Variants in ACACA observed in about 807,000 individuals in gnomAD.
The protein encoded by ACACA is acetyl-CoA carboxylase 1.
ACACA carries 103 observed loss-of-function variants against 296.1 expected under a neutral mutation model. That is an observed-to-expected ratio of 0.35 (90% CI 0.30 to 0.41). The LOEUF is 0.41. ACACA is among the 10% of genes least tolerant of loss of function. ACACA has a pLI of 1.00. For synonymous variants in ACACA, 953 were observed against 1,038.6 expected, an observed-to-expected ratio of 0.92 and a Z score of 1.58; for missense variants, 1,554 against 2,989.7, an observed-to-expected ratio of 0.52 and a Z score of 11.20.
At chr17:37,193,260 G>C in intron 36 of ACACA, 114 bp downstream of exon 36, 1 of 798,142 alleles carries the variant, frequency 1.3e-6, no homozygotes, top group Non-Finnish European at 2.1e-6. Context: ...GGAAGCACAA[G>C]TTCAATAAGA....
intron 1 of ACACA, among the ~76,000 whole-genome samples, chr17:37,353,637 TAAAAAAAAAAAAAA>T (rs1169088763): frequency 1.9e-4 from 11 of 56,690 alleles, no homozygotes; most frequent in East Asian, 1.8e-3. Flanking sequence ...AGACTCCGTC[TAAAAAAAAAAAAAA>T]AAAAAAAAAA....
At chr17:37,181,500 G>A (rs2144873519) in intron 39 of ACACA, 144 bp from the exon 40 acceptor site, 1 of 813,482 alleles carries the variant, frequency 1.2e-6, no homozygotes, top group South Asian at 1.5e-5. Context: ...CTTAACACTG[G>A]GTACTTGGTG....
At chr17:37,121,624 A>T (rs2074531122) in intron 49 of ACACA, 134 bp from the exon 50 acceptor site, 11 of 1,146,232 alleles carry the variant, frequency 9.6e-6, no homozygotes, top group Non-Finnish European at 1.3e-5. Context: ...GTTCATCAAG[A>T]TCATCATGTT....
intron 1 of ACACA, among the ~76,000 whole-genome samples, chr17:37,381,414 G>C (rs1437598509): frequency 6.6e-6 from 1 of 151,816 alleles, no homozygotes; most frequent in Admixed American, 6.6e-5. Context: ...TTGAACTCCT[G>C]ACTTCAAGTG....
chr17:37,373,630 T>C (rs753847666), intron 1 of ACACA, among the ~76,000 whole-genome samples: 31 of 152,202 alleles, frequency 2.0e-4, no homozygotes, highest in Non-Finnish European at 4.1e-4. Flanking sequence ...ACTTCATCTT[T>C]CGCCAAGCAC....
chr17:37,247,580 C>T (rs778024691), intron 18 of ACACA, among the ~76,000 whole-genome samples: 4 of 152,102 alleles, frequency 2.6e-5, no homozygotes, highest in Non-Finnish European at 5.9e-5. Flanking sequence ...TTGGCCACAC[C>T]GGTCTTGAAC....
chr17:37,152,297 C>G (rs1454174655), intron 43 of ACACA, among the ~76,000 whole-genome samples: 4 of 152,158 alleles, frequency 2.6e-5, no homozygotes, highest in Non-Finnish European at 5.9e-5. Flanking sequence ...GAACAAGTTT[C>G]TTAAAAGCAA....
intron 52 of ACACA, among the ~76,000 whole-genome samples, chr17:37,099,605 G>GGGAGGGCTGATGGCA (rs1352301876): frequency 1.5e-5 from 2 of 131,616 alleles, no homozygotes; most frequent in African/African-American, 6.1e-5. Flanking sequence ...GGCTGATGGC[G>GGGAGGGCTGATGGCA]GGAGGGCTGA....
intron 23 of ACACA, among the ~76,000 whole-genome samples, chr17:37,240,896 AAAAGT>A (rs1247856647): frequency 6.6e-6 from 1 of 152,176 alleles, no homozygotes; most frequent in Non-Finnish European, 1.5e-5. Context: ...TCTTAAAGTT[AAAAGT>A]GTTCTGTGAG....
intron 10 of ACACA, among the ~76,000 whole-genome samples, chr17:37,268,719 AT>A: frequency 9.2e-6 from 1 of 109,096 alleles, no homozygotes; most frequent in African/African-American, 4.0e-5. Context: ...ATCTATATCT[AT>A]CTATCTATCT....
At position 37,330,428 on chromosome 17, in the gene ACACA, A is replaced by G; in HGVS notation, c.86-3T>C. ...TCCTCCAAAATGAGCTCTTACAGCT[A>G]TGGAGAAAATGAAAAGTGAGAAAGG... is the stretch of plus-strand genomic sequence containing the variant. On this transcript the variant is annotated splice_region_variant and splice_polypyrimidine_tract_variant and intron_variant, in intron 2 of 55. Coordinates refer to ENST00000616317, the MANE Select transcript of ACACA (RefSeq NM_198834.3). 6.2e-7 allele frequency: 1 copy of G among 1,614,182 alleles called. No individual in the cohort carries two copies. Among genetic ancestry groups the G allele is most frequent in the Non-Finnish European group, 8.5e-7 (1 of 1,180,036 alleles).
At chr17:37,249,193 T>C (rs2080863464) in intron 16 of ACACA, among the ~76,000 whole-genome samples, 1 of 152,228 alleles carries the variant, frequency 6.6e-6, no homozygotes, top group African/African-American at 2.4e-5. Context: ...CAGAATTTCC[T>C]TCTTCTTTAA....
chr17:37,390,334 A>ATATATCTATATATCTAT (rs2050822111), intron 1 of ACACA, among the ~76,000 whole-genome samples: 1 of 93,444 alleles, frequency 1.1e-5, no homozygotes, highest in East Asian at 3.4e-4. Context: ...ATATATATAT[A>ATATATCTATATATCTAT]AAAGGCCAGC....
intron 28 of ACACA, 96 bp downstream of exon 28, chr17:37,223,416 G>C: frequency 1.0e-6 from 1 of 992,006 alleles, no homozygotes; most frequent in Non-Finnish European, 1.6e-6. Context: ...CCAACCTTAA[G>C]GCCAGAGAAC....
At chr17:37,225,742 A>G (rs2079516462) in intron 26 of ACACA, among the ~76,000 whole-genome samples, 1 of 152,218 alleles carries the variant, frequency 6.6e-6, no homozygotes, top group Admixed American at 6.5e-5. Context: ...TTGTAGAGAA[A>G]GCAGAAGGTC....
chr17:37,258,300 G>C lies in ACACA; in HGVS notation c.1574C>G (p.Ser525Cys). Reference protein sequence around the residue: ...MMYGVSPWGDSPIDFEDSAHV... With the variant: ...MMYGVSPWGDCPIDFEDSAHV... The stretch of plus-strand genomic sequence containing the variant: ...TGCAGAATCTTCAAAATCAATGGGA[G>C]AATCACCCCAGGGAGATACCCCATA... Residue 525 changes from serine to cysteine, a missense_variant, in exon 13 of 56, where the codon TCT becomes TGT. This residue lies in a region of ACACA where 37 missense variants were observed against 49.9 expected (regional missense o/e 0.74). Transcript: ENST00000616317. 6.2e-6 allele frequency: 10 copies of C among 1,614,008 alleles called. No homozygotes were observed. The highest frequency in any genetic ancestry group is 8.5e-6 in the Non-Finnish European group (10 of 1,179,930).
intron 13 of ACACA, 146 bp from the exon 14 acceptor site, chr17:37,258,012 A>G (rs1382574782): frequency 8.3e-7 from 1 of 1,200,588 alleles, no homozygotes; most frequent in African/African-American, 1.5e-5. Context: ...AGTGCCACAG[A>G]CCCACTGAAG....
intron 3 of ACACA, among the ~76,000 whole-genome samples, chr17:37,325,991 T>C (rs1244597480): frequency 1.3e-5 from 2 of 151,644 alleles, no homozygotes; most frequent in Non-Finnish European, 2.9e-5. Flanking sequence ...GTGGATTGCC[T>C]GAGATCAGGA....
rs781602828 is a variant in ACACA, at chr17:37,225,071, A to C, written c.3395T>G (p.Leu1132Arg). The change falls in exon 27 of 56, where the codon CTT becomes CGT. Residue 1132 changes from leucine (L) to arginine (R), a missense_variant. This residue lies in a region of ACACA where 42 missense variants were observed against 147.5 expected (regional missense o/e 0.28). Transcript: ENST00000616317. ...GATAGACTCTACTTGGTTATGGCGA[A>C]GCTCATATGATGGCAAATGGGAGGC... ...LIASHLPSYELRHNQVESIFL... is the reference protein window; with the variant it reads ...LIASHLPSYERRHNQVESIFL... 6.2e-7 allele frequency: 1 copy of C among 1,613,086 alleles called. No homozygotes were observed. Among genetic ancestry groups the C allele is most frequent in the Admixed American group, 1.7e-5 (1 of 59,992 alleles).
Sources: allele counts gnomAD v4.1 joint callset (sites outside exome capture counted in the v4.1 genomes callset), GRCh38; gene constraint gnomAD v4.1.1; regional missense constraint gnomAD v4.1.1; transcripts MANE v1.5; gene names NCBI Gene and HGNC (gene_info 2026-07-23, HGNC 2026-07-21).